GABRG3: variants seen among roughly 807,000 people sequenced by gnomAD.
GABRG3 encodes the protein gamma-aminobutyric acid type A receptor subunit gamma3.
GABRG3 carries 25 observed loss-of-function variants against 48.8 expected under a neutral mutation model. That is an observed-to-expected ratio of 0.51 (90% CI 0.37 to 0.72). The LOEUF (loss-of-function observed/expected upper bound fraction) is 0.72, where lower values mean the gene tolerates loss of function less well. Ranked by LOEUF, GABRG3 falls within the 30% of genes least tolerant of loss-of-function variation. The pLI is 0.00. For synonymous variants in GABRG3, 227 were observed against 217.6 expected (o/e 1.04, Z -0.38); for missense variants, 394 against 577.9 (o/e 0.68, Z 3.26).
Position 27,532,670 on chromosome 15 carries a change from A to G in GABRG3, c.1193A>G (p.Gln398Arg). The G allele has an allele frequency of 6.2e-7, 1 of 1,614,024 alleles. No homozygotes were observed. Among genetic ancestry groups the G allele is most frequent in the Non-Finnish European group, 8.5e-7 (1 of 1,179,884 alleles). ...MITLNNSVYW[Q>R]EFEDTCVYEC... Reference sequence around the variant, plus strand: ...ACTTTAAACAATTCCGTTTACTGGCAGGAATTTGAAGATACCTGTGTCTAT... The same window carrying G: ...ACTTTAAACAATTCCGTTTACTGGCGGGAATTTGAAGATACCTGTGTCTAT... The change falls in exon 10 of 10, where the codon CAG (glutamine) becomes CGG (arginine). Residue 398 changes from glutamine (Q) to arginine (R), a missense_variant. Transcript: ENST00000615808.
chr15:27,308,877 C>G (rs1290291894), intron 3 of GABRG3, among the ~76,000 whole-genome samples: 3 of 149,704 alleles, frequency 2.0e-5, no homozygotes, highest in South Asian at 4.3e-4. Context: ...TTTATAAAAA[C>G]AGAATTTAAA....
chr15:27,028,686 G>T (rs1009934263), intron 3 of GABRG3, among the ~76,000 whole-genome samples: 2 of 151,508 alleles, frequency 1.3e-5, no homozygotes, highest in African/African-American at 4.9e-5. Context: ...GGCGCCTGTA[G>T]TCTCAGCTAC....
chr15:27,200,613 G>A (rs1412665982), intron 3 of GABRG3, among the ~76,000 whole-genome samples: 1 of 152,172 alleles, frequency 6.6e-6, no homozygotes, highest in Non-Finnish European at 1.5e-5. Context: ...AGAGGAGCAA[G>A]TTGGCAAAGT....
intron 3 of GABRG3, among the ~76,000 whole-genome samples, chr15:27,316,402 A>AG (rs1893226988): frequency 6.6e-6 from 1 of 151,612 alleles, no homozygotes; most frequent in African/African-American, 2.4e-5. Flanking sequence ...AAAAAAAAAA[A>AG]AAAAAAAGCA....
At chr15:27,062,453 A>C in intron 3 of GABRG3, among the ~76,000 whole-genome samples, 1 of 141,292 alleles carries the variant, frequency 7.1e-6, no homozygotes. Context: ...AAAAAAAAAA[A>C]AAAAATTAGC....
chr15:27,339,372 T>A (rs371126516), intron 5 of GABRG3, among the ~76,000 whole-genome samples: 2 of 152,236 alleles, frequency 1.3e-5, no homozygotes, highest in East Asian at 3.9e-4. Flanking sequence ...ATCAAGCTGT[T>A]GCCCTGGGAA....
chr15:27,098,295 G>A (rs138950003), intron 3 of GABRG3, among the ~76,000 whole-genome samples: 184 of 152,182 alleles, frequency 1.2e-3, no homozygotes, highest in African/African-American at 4.0e-3. Context: ...ATAGCCAGGC[G>A]TGGTGGCAGG....
intron 5 of GABRG3, among the ~76,000 whole-genome samples, chr15:27,470,527 C>CTT (rs112693265): frequency 7.0e-6 from 1 of 143,492 alleles, no homozygotes; most frequent in African/African-American, 2.5e-5. Flanking sequence ...GGGTGTAATC[C>CTT]TTTTTTTTTT....
intron 7 of GABRG3, among the ~76,000 whole-genome samples, chr15:27,526,271 C>G (rs1464488838): frequency 1.3e-5 from 2 of 152,202 alleles, no homozygotes; most frequent in Non-Finnish European, 2.9e-5. Flanking sequence ...GCAGAACTGC[C>G]TTGAGTAGAT....
chr15:27,121,376 G>C (rs772059632), intron 3 of GABRG3, among the ~76,000 whole-genome samples: 3 of 152,196 alleles, frequency 2.0e-5, no homozygotes, highest in Admixed American at 6.5e-5. Flanking sequence ...TCAGAGATGA[G>C]AGCCTTAAAG....
intron 3 of GABRG3, among the ~76,000 whole-genome samples, chr15:27,194,553 T>C (rs1888434554): frequency 6.6e-6 from 1 of 152,226 alleles, no homozygotes; most frequent in Non-Finnish European, 1.5e-5. Flanking sequence ...AGTTGACAGC[T>C]CTTTACTTTC....
chr15:27,452,373 T>A (rs1202275587), intron 5 of GABRG3, among the ~76,000 whole-genome samples: 1 of 152,104 alleles, frequency 6.6e-6, no homozygotes, highest in Non-Finnish European at 1.5e-5. Flanking sequence ...GCAATCCCAA[T>A]ATAGAGTTGA....
rs1268465386 is a variant in GABRG3 at position 27,308,662 on chromosome 15, ATAATG to A, written c.271-18143_271-18139del. On this transcript the variant is annotated intron_variant, in intron 3 of 9. Coordinates refer to ENST00000615808, the MANE Select transcript of GABRG3 (RefSeq NM_033223.5). ...TAAACATACGCTTATGTATAAACAT[ATAATG>A]TAAACATACGCTTATGTATAAACAT... Among the ~76,000 whole-genome samples, 3 of 149,264 alleles carry A rather than the reference ATAATG, an allele frequency of 2.0e-5. No homozygotes were observed. The East Asian group carries it at 6.2e-4, about 31-fold the overall frequency.
intron 3 of GABRG3, among the ~76,000 whole-genome samples, chr15:27,156,157 G>T (rs979719603): frequency 2.6e-5 from 4 of 151,668 alleles, no homozygotes; most frequent in Non-Finnish European, 5.9e-5. Flanking sequence ...AAATTAGCTG[G>T]GTGTGGTGGT....
chr15:27,066,421 C>A (rs1896738647), intron 3 of GABRG3, among the ~76,000 whole-genome samples: 1 of 152,106 alleles, frequency 6.6e-6, no homozygotes. Flanking sequence ...AAACCTGAGA[C>A]AAGAAAGAGC....
intron 5 of GABRG3, among the ~76,000 whole-genome samples, chr15:27,469,685 C>T (rs1030296001): frequency 6.6e-6 from 1 of 152,114 alleles, no homozygotes; most frequent in Admixed American, 6.6e-5. Flanking sequence ...TTTATTTGGG[C>T]AGAAACTAGG....
At chr15:27,446,201 A>C (rs567417421) in intron 5 of GABRG3, among the ~76,000 whole-genome samples, 1 of 152,354 alleles carries the variant, frequency 6.6e-6, no homozygotes, top group South Asian at 2.1e-4. Context: ...CTTTTCATAT[A>C]AATTGCATCG....
intron 3 of GABRG3, chr15:27,271,536 T>G (rs1891089054): frequency 4.4e-6 from 2 of 455,752 alleles, no homozygotes; most frequent in Non-Finnish European, 8.8e-6. Flanking sequence ...TTAGGAGATC[T>G]CCCCAGAAGC....
intron 5 of GABRG3, among the ~76,000 whole-genome samples, chr15:27,387,195 C>T (rs369455004): frequency 2.6e-4 from 40 of 151,838 alleles, no homozygotes; most frequent in Middle Eastern, 3.4e-3. Flanking sequence ...GACAAGGCTA[C>T]CATGTGTGAT....
Sources: gnomAD v4.1 joint callset for allele counts (sites outside exome capture counted in the v4.1 genomes callset) on GRCh38, gnomAD v4.1.1 for gene constraint, MANE v1.5 for transcripts, NCBI Gene and HGNC (gene_info 2026-07-23, HGNC 2026-07-21) for gene names.